ZFHX3: variants seen among roughly 807,000 people sequenced by gnomAD.
ZFHX3 encodes zinc finger homeobox protein 3.
In ZFHX3, 42 loss-of-function variants were observed where a neutral mutation model predicts 279.1. The ratio of observed to expected loss-of-function variants is 0.15; its 90% CI spans 0.12 to 0.19. The LOEUF is 0.19. ZFHX3 is among the 10% of genes least tolerant of loss of function. ZFHX3 has a pLI of 1.00. For synonymous variants in ZFHX3, 2,293 were observed against 1,957.8 expected, an observed-to-expected ratio of 1.17 and a Z score of -4.52; for missense variants, 4,981 against 4,754.0, an observed-to-expected ratio of 1.05 and a Z score of -1.40.
At chr16:73,245,058 T>C in intron 5 of ZFHX3, among the ~76,000 whole-genome samples, 1 of 152,116 alleles carries the variant, frequency 6.6e-6, no homozygotes, top group African/African-American at 2.4e-5. Flanking sequence ...TCTTGGAAAC[T>C]CTGTGAAGGG....
At chr16:73,201,985 C>T (rs2011625414) in intron 5 of ZFHX3, among the ~76,000 whole-genome samples, 1 of 152,194 alleles carries the variant, frequency 6.6e-6, no homozygotes, top group Admixed American at 6.5e-5. Context: ...GATCAGACTT[C>T]TCTGAAGATT....
At chr16:72,862,769 C>T (rs1048672847) in intron 4 of ZFHX3, among the ~76,000 whole-genome samples, 3 of 152,044 alleles carry the variant, frequency 2.0e-5, no homozygotes, top group African/African-American at 7.3e-5. Context: ...TCAAAACATC[C>T]AAATCCCGAC....
At chr16:73,204,788 GT>G (rs1045885425) in intron 5 of ZFHX3, among the ~76,000 whole-genome samples, 1 of 152,242 alleles carries the variant, frequency 6.6e-6, no homozygotes, top group Non-Finnish European at 1.5e-5. Context: ...GCTGTTGCTA[GT>G]TGAACCTTCA....
intron 1 of ZFHX3, among the ~76,000 whole-genome samples, chr16:73,032,133 C>CA (rs1052121803): frequency 2.0e-5 from 3 of 152,098 alleles, no homozygotes; most frequent in East Asian, 3.9e-4. Context: ...CCTGTCTCTA[C>CA]AAAAAATTAA....
chr16:73,253,147 C>T (rs1013804304), intron 5 of ZFHX3, among the ~76,000 whole-genome samples: 1 of 152,200 alleles, frequency 6.6e-6, no homozygotes, highest in South Asian at 2.1e-4. Context: ...TAACAGGCAA[C>T]GTTTGCTCAA....
intron 7 of ZFHX3, among the ~76,000 whole-genome samples, chr16:73,112,287 C>T (rs181487346): frequency 4.0e-5 from 6 of 151,310 alleles, no homozygotes; most frequent in East Asian, 3.9e-4. Context: ...ACAGAGGAGT[C>T]GACACAATAG....
At chr16:72,861,531 C>T (rs1276891015) in intron 4 of ZFHX3, among the ~76,000 whole-genome samples, 1 of 152,066 alleles carries the variant, frequency 6.6e-6, no homozygotes, top group Admixed American at 6.6e-5. Context: ...CAAGCTTTTA[C>T]CAGAGCAAGA....
chr16:73,143,843 A>T, intron 5 of ZFHX3: 1 of 1,251,994 alleles, frequency 8.0e-7, no homozygotes, highest in Non-Finnish European at 1.1e-6. Context: ...TGAAGAAGAA[A>T]AGAAAGGACA....
intron 1 of ZFHX3, among the ~76,000 whole-genome samples, chr16:73,807,110 C>T (rs1597124388): frequency 6.6e-6 from 1 of 152,290 alleles, no homozygotes; most frequent in East Asian, 1.9e-4. Context: ...AAGGGAGTGG[C>T]CACATCCAGC....
At chr16:73,184,204 T>C (rs1179720363) in intron 5 of ZFHX3, among the ~76,000 whole-genome samples, 1 of 152,108 alleles carries the variant, frequency 6.6e-6, no homozygotes, top group Non-Finnish European at 1.5e-5. Flanking sequence ...GCCACGTGGC[T>C]CAGTGGTGTC....
rs552006651 is a variant in ZFHX3 at position 72,947,560 on chromosome 16, G to C, written c.3216+2909C>G. Among the ~76,000 whole-genome samples, 24 of 152,260 alleles carry C rather than the reference G, an allele frequency of 1.6e-4. No individual in the cohort carries two copies. In the South Asian group the frequency reaches 5.0e-3, roughly 32 times the overall value. On this transcript the variant is annotated intron_variant, in intron 3 of 9. Transcript: ENST00000268489. ...CCTCCAACATGAAAAAGGAACAGGA[G>C]GAGAATAAAAGCCTCGGCTGAAAGA...
At chr16:73,082,232 A>G (rs964379845) in intron 8 of ZFHX3, among the ~76,000 whole-genome samples, 2 of 152,042 alleles carry the variant, frequency 1.3e-5, no homozygotes, top group East Asian at 1.9e-4. Context: ...AACTAGCACA[A>G]GATCCTACTT....
At chr16:72,812,348 G>C (rs886641295) in intron 5 of ZFHX3, among the ~76,000 whole-genome samples, 10 of 147,336 alleles carry the variant, frequency 6.8e-5, no homozygotes, top group South Asian at 2.3e-4. Context: ...CCCCAATCTA[G>C]ATACAATCTG....
chr16:72,949,216 G>A (rs969647171), intron 3 of ZFHX3, among the ~76,000 whole-genome samples: 6 of 152,214 alleles, frequency 3.9e-5, no homozygotes, highest in African/African-American at 7.2e-5. Flanking sequence ...TGGAATCTCC[G>A]TTTAAAATCA....
intron 3 of ZFHX3, among the ~76,000 whole-genome samples, chr16:73,373,111 C>G (rs1201364419): frequency 6.9e-6 from 1 of 143,974 alleles, no homozygotes; most frequent in African/African-American, 2.6e-5. Context: ...GGCCTGGGGA[C>G]TTATATTTGT....
intron 1 of ZFHX3, among the ~76,000 whole-genome samples, chr16:73,750,226 G>A (rs1039990555): frequency 3.9e-5 from 6 of 152,120 alleles, no homozygotes; most frequent in Non-Finnish European, 5.9e-5. Flanking sequence ...GGATCTTTTT[G>A]TATCGTCCCA....
intron 3 of ZFHX3, among the ~76,000 whole-genome samples, chr16:73,366,547 T>G (rs1450946012): frequency 7.0e-6 from 1 of 143,558 alleles, no homozygotes; most frequent in Non-Finnish European, 1.5e-5. Context: ...GCCTTGGCAA[T>G]GTAGTGAGAC....
At chr16:73,336,792 G>A (rs568722499) in intron 3 of ZFHX3, among the ~76,000 whole-genome samples, 2 of 152,170 alleles carry the variant, frequency 1.3e-5, no homozygotes, top group East Asian at 1.9e-4. Flanking sequence ...GTTCTCTGCC[G>A]TCTTTGCAAC....
chr16:73,214,540 C>A (rs2144913343), intron 5 of ZFHX3, among the ~76,000 whole-genome samples: 1 of 152,354 alleles, frequency 6.6e-6, no homozygotes, highest in East Asian at 1.9e-4. Context: ...CTCTCTGAGT[C>A]TATCCCTCTG....
Sources: allele counts gnomAD v4.1 joint callset (sites outside exome capture counted in the v4.1 genomes callset), GRCh38; gene constraint gnomAD v4.1.1; transcripts MANE v1.5; gene names NCBI Gene and HGNC (gene_info 2026-07-23, HGNC 2026-07-21).